The following TENM1 variants were observed in gnomAD, a reference collection of about 807,000 sequenced individuals.
The protein encoded by TENM1 is teneurin transmembrane protein 1.
In TENM1, 35 loss-of-function variants were observed where a neutral mutation model predicts 174.8. The observed-to-expected ratio is 0.20, with a 90% CI of 0.15 to 0.27. TENM1 has a LOEUF of 0.27. Among genes scored for constraint, TENM1 ranks in the 10% least tolerant of loss-of-function variants. The pLI is 1.00. For synonymous variants in TENM1, 781 were observed against 798.7 expected, an observed-to-expected ratio of 0.98 and a Z score of 0.37; for missense variants, 1,633 against 2,130.1, an observed-to-expected ratio of 0.77 and a Z score of 4.59.
chrX:124,883,008 T>A (rs1461595514), intron 3 of TENM1, among the ~76,000 whole-genome samples: 1 of 112,317 alleles, frequency 8.9e-6, no homozygotes, highest in Non-Finnish European at 1.9e-5. Flanking sequence ...TTTAATTTAA[T>A]TTTTTGTCTC....
the TENM1 span, among the ~76,000 whole-genome samples, chrX:125,114,458 T>G: frequency 9.0e-6 from 1 of 111,412 alleles, no homozygotes; most frequent in African/African-American, 3.3e-5. Flanking sequence ...CAGGAGCTGG[T>G]TTTTTGAAAA....
intron 23 of TENM1, among the ~76,000 whole-genome samples, chrX:124,430,701 T>G (rs901500475): frequency 1.8e-5 from 2 of 112,117 alleles, no homozygotes; most frequent in Non-Finnish European, 3.8e-5. Flanking sequence ...CTTGATTCTA[T>G]GTCACCAGTC....
the TENM1 span, among the ~76,000 whole-genome samples, chrX:124,974,084 A>C: frequency 2.1e-5 from 1 of 47,719 alleles, no homozygotes; most frequent in African/African-American, 2.2e-4. Context: ...AACTCAAAGT[A>C]TAATAATACT....
At chrX:125,063,427 A>G in the TENM1 span, among the ~76,000 whole-genome samples, 1 of 111,889 alleles carries the variant, frequency 8.9e-6, no homozygotes, top group African/African-American at 3.3e-5. Context: ...CAAAGGGCTA[A>G]TATCCAGAAT....
At chrX:125,130,945 T>C in the TENM1 span, among the ~76,000 whole-genome samples, 1 of 111,777 alleles carries the variant, frequency 8.9e-6, no homozygotes, top group Non-Finnish European at 1.9e-5. Flanking sequence ...ATAGGTACTG[T>C]AGAGTAAAAC....
At chrX:124,861,984 C>G (rs896969888) in intron 3 of TENM1, among the ~76,000 whole-genome samples, 5 of 111,787 alleles carry the variant, frequency 4.5e-5, no homozygotes, top group Non-Finnish European at 7.5e-5. Flanking sequence ...TCTCCATGCA[C>G]AAGTTAGCTT....
chrX:124,925,070 T>G (rs2058074090), intron 1 of TENM1, among the ~76,000 whole-genome samples: 1 of 109,652 alleles, frequency 9.1e-6, no homozygotes, highest in African/African-American at 3.3e-5. Context: ...TCCCATTGTT[T>G]ACTGCTATAA....
the TENM1 span, among the ~76,000 whole-genome samples, chrX:125,155,429 T>G: frequency 8.9e-6 from 1 of 112,253 alleles, no homozygotes; most frequent in South Asian, 3.7e-4. Context: ...GTACTGGGGC[T>G]GCAGGTGGAG....
At chrX:125,057,365 C>A in the TENM1 span, among the ~76,000 whole-genome samples, 1 of 88,577 alleles carries the variant, frequency 1.1e-5, no homozygotes, top group Non-Finnish European at 2.0e-5. Context: ...CATACACACA[C>A]ACACACACAC....
At chrX:125,106,674 G>C in the TENM1 span, among the ~76,000 whole-genome samples, 2 of 112,130 alleles carry the variant, frequency 1.8e-5, no homozygotes, top group Non-Finnish European at 3.8e-5. Flanking sequence ...CTCCCAAAGT[G>C]CTGGGATCAT....
the TENM1 span, among the ~76,000 whole-genome samples, chrX:125,105,529 C>CA: frequency 2.8e-5 from 3 of 108,159 alleles, no homozygotes; most frequent in South Asian, 4.0e-4. Context: ...GGTGCTGCTG[C>CA]AAAAAAATTG....
intron 22 of TENM1, among the ~76,000 whole-genome samples, chrX:124,456,043 T>C (rs1220148461): frequency 1.8e-5 from 2 of 111,781 alleles, no homozygotes; most frequent in Non-Finnish European, 3.8e-5. Flanking sequence ...TTTCTTACTT[T>C]TACTTTTTGT....
upstream of TENM1, among the ~76,000 whole-genome samples, chrX:124,965,171 G>A (rs775500676): frequency 1.1e-4 from 12 of 111,315 alleles, no homozygotes; most frequent in East Asian, 2.6e-3. Context: ...TCCGTCTCCC[G>A]GGTTCACGCC....
At chrX:124,509,391 C>T (rs1218184674) in intron 18 of TENM1, among the ~76,000 whole-genome samples, 1 of 110,790 alleles carries the variant, frequency 9.0e-6, no homozygotes, top group Non-Finnish European at 1.9e-5. Context: ...CCTCCCTGTC[C>T]CTACCCAGTA....
the TENM1 span, among the ~76,000 whole-genome samples, chrX:124,973,063 C>A: frequency 8.9e-6 from 1 of 112,153 alleles, no homozygotes; most frequent in Non-Finnish European, 1.9e-5. Context: ...AGAAAGCCAT[C>A]TTGAGTTAAT....
rs774607390 is a variant in TENM1 at position 124,773,864 on chromosome X, G to T, written c.536-36667C>A. 6.3e-5 allele frequency among the ~76,000 whole-genome samples: 7 copies of T among 111,729 alleles called. No homozygotes were observed. In the South Asian group the frequency reaches 2.6e-3, roughly 42 times the overall value. Reference sequence around the variant, plus strand: ...TTGTTATTGAGAATTTATAATTATGGGCCTATATCAAGGATGGATTTAGAG... The same window carrying T: ...TTGTTATTGAGAATTTATAATTATGTGCCTATATCAAGGATGGATTTAGAG... On this transcript the variant is annotated intron_variant, in intron 3 of 31. Transcript: ENST00000422452.
chrX:124,478,939 CA>C lies in TENM1; in HGVS notation c.3949+2792del, dbSNP rs769493876. ...TTTTGTACACTGTAATAACTTTTTG[CA>C]TGTTTTTTCCTTTTATGGAAGTCTA... is the stretch of plus-strand genomic sequence containing the variant. On this transcript the variant is annotated intron_variant, in intron 22 of 31. Coordinates refer to ENST00000422452, the Ensembl canonical transcript of TENM1. Among the ~76,000 whole-genome samples, 8 of 112,295 alleles carry C rather than the reference CA, an allele frequency of 7.1e-5. No individual in the cohort carries two copies. In the East Asian group the frequency reaches 2.2e-3, roughly 31 times the overall value.
At chrX:124,678,680 C>A (rs2052154375) in intron 5 of TENM1, among the ~76,000 whole-genome samples, 1 of 110,827 alleles carries the variant, frequency 9.0e-6, no homozygotes, top group African/African-American at 3.3e-5. Context: ...ACAGATAAAA[C>A]AGAATTTGAC....
the TENM1 span, among the ~76,000 whole-genome samples, chrX:125,160,452 G>A: frequency 9.8e-6 from 1 of 101,782 alleles, no homozygotes; most frequent in Non-Finnish European, 2.0e-5. Flanking sequence ...TGTTGAGGTA[G>A]GAGAATTGCT....
Sources: gnomAD v4.1 joint callset for allele counts (sites outside exome capture counted in the v4.1 genomes callset) on GRCh38, gnomAD v4.1.1 for gene constraint, MANE v1.5 for transcripts, NCBI Gene and HGNC (gene_info 2026-07-23, HGNC 2026-07-21) for gene names.